The following CNGA1 variants were observed in gnomAD, a reference collection of about 807,000 sequenced individuals.
CNGA1 encodes the protein cyclic nucleotide-gated channel alpha-1.
A neutral mutation model predicts 69.7 loss-of-function variants in CNGA1; 53 were observed. That is an observed-to-expected ratio of 0.76 (90% confidence interval 0.61 to 0.96). The LOEUF is 0.96. Ranked by LOEUF, CNGA1 falls within the 40% of genes least tolerant of loss-of-function variation. The pLI is 0.00. For missense variants in CNGA1, 739 were observed against 811.2 expected (o/e 0.91, Z 1.08); for synonymous variants, 249 against 283.5 (o/e 0.88, Z 1.22).
chr4:47,970,961 G>C (rs1740982485), intron 3 of CNGA1: 1 of 453,624 alleles, frequency 2.2e-6, no homozygotes, highest in Non-Finnish European at 4.4e-6. Flanking sequence ...TTCAAGTCCA[G>C]CTTGGCCAAC....
In CNGA1 at chr4:47,942,079, T is replaced by G; in HGVS notation, c.507A>C (p.Thr169=). 2 of 1,613,090 alleles carry G rather than the reference T, an allele frequency of 1.2e-6. No individual in the cohort carries two copies. The highest frequency in any genetic ancestry group is 1.7e-6 in the Non-Finnish European group (2 of 1,179,548). ...TTGTCCAGTTGTACATAACAGGTAA[T>G]GTGATGCAAAACAGCCAGTTGTAAT... ...NTYYNWLFCI[T]LPVMYNWTMV... The change falls in exon 9 of 11, where the codon ACA becomes ACC. Residue 169 remains threonine, a synonymous_variant. Coordinates refer to ENST00000514170, the MANE Select transcript of CNGA1 (RefSeq NM_001379270.1).
chr4:47,939,936 A>G (rs895516425), intron 10 of CNGA1, among the ~76,000 whole-genome samples: 8 of 152,092 alleles, frequency 5.3e-5, no homozygotes, highest in African/African-American at 1.7e-4. Flanking sequence ...TATTTTGCAT[A>G]TTCTTGCCTT....
intron 3 of CNGA1, among the ~76,000 whole-genome samples, chr4:47,967,753 C>A (rs934114992): frequency 6.6e-6 from 1 of 152,032 alleles, no homozygotes; most frequent in Non-Finnish European, 1.5e-5. Flanking sequence ...CCGAGGTGGG[C>A]GGATCACAAG....
chr4:47,950,208 G>C (rs913275422), intron 5 of CNGA1, among the ~76,000 whole-genome samples: 1 of 152,198 alleles, frequency 6.6e-6, no homozygotes, highest in East Asian at 1.9e-4. Flanking sequence ...GAGGGACCCA[G>C]TGGGAAGTAA....
intron 2 of CNGA1, among the ~76,000 whole-genome samples, chr4:48,002,588 C>T (rs551126383): frequency 3.1e-5 from 4 of 127,868 alleles, no homozygotes; most frequent in East Asian, 4.5e-4. Flanking sequence ...ATGAAATAGG[C>T]GTCAAAGCTG....
chr4:47,962,686 A>C (rs1422648012), intron 3 of CNGA1, among the ~76,000 whole-genome samples: 1 of 152,096 alleles, frequency 6.6e-6, no homozygotes, highest in Non-Finnish European at 1.5e-5. Flanking sequence ...TGATGCCAAA[A>C]CTCTATGCTT....
At chr4:47,951,058 C>T (rs770883324) in intron 5 of CNGA1, among the ~76,000 whole-genome samples, 11 of 152,156 alleles carry the variant, frequency 7.2e-5, no homozygotes, top group African/African-American at 2.4e-4. Flanking sequence ...AAATAATCAT[C>T]GGGCAGTGGC....
intron 5 of CNGA1, 36 bp from the exon 6 acceptor site, chr4:47,949,931 G>A: frequency 6.3e-7 from 1 of 1,582,254 alleles, no homozygotes. Flanking sequence ...AATCACAGTA[G>A]TCACCATCTG....
At chr4:48,010,010 T>A (rs570639362) in intron 2 of CNGA1, among the ~76,000 whole-genome samples, 3 of 151,636 alleles carry the variant, frequency 2.0e-5, no homozygotes, top group Admixed American at 6.6e-5. Flanking sequence ...CATAAAGACC[T>A]TTTTTTTTCT....
At chr4:47,980,472 C>CTTT (rs5858098) in intron 3 of CNGA1, among the ~76,000 whole-genome samples, 39 of 112,288 alleles carry the variant, frequency 3.5e-4, no homozygotes, top group East Asian at 7.7e-4. Context: ...TTCTTTCTTT[C>CTTT]TTTTTTTTTT....
At chr4:47,938,331 A>G (rs1350089889) in intron 10 of CNGA1, among the ~76,000 whole-genome samples, 2 of 124,458 alleles carry the variant, frequency 1.6e-5, no homozygotes, top group Admixed American at 1.7e-4. Context: ...ATATATATAT[A>G]TTTGGTCCCT....
Position 47,946,876 on chromosome 4 carries a change from C to T in CNGA1, c.287+2957G>A, listed in dbSNP as rs183942490. Among the ~76,000 whole-genome samples the T allele has an allele frequency of 1.1e-3, 164 of 152,184 alleles. 1 individual carries two copies. The highest frequency in any genetic ancestry group is 3.8e-3 in the African/African-American group (159 of 41,532). On this transcript the variant is annotated intron_variant, in intron 6 of 10. Transcript: ENST00000514170. ...CTCGGCTCACTGCAACCTCTGCCTCCCAGTTCAAGTGATTCCCCTGCCTCA... is the reference window on the plus strand; with the variant it reads ...CTCGGCTCACTGCAACCTCTGCCTCTCAGTTCAAGTGATTCCCCTGCCTCA...
intron 2 of CNGA1, among the ~76,000 whole-genome samples, chr4:47,997,784 CAAAT>C (rs760680965): frequency 4.6e-5 from 7 of 152,140 alleles, no homozygotes; most frequent in Non-Finnish European, 7.3e-5. Flanking sequence ...GACAGCTTCA[CAAAT>C]AAATCATGAA....
At chr4:47,950,025 G>A in intron 5 of CNGA1, 130 bp from the exon 6 acceptor site, 2 of 749,440 alleles carry the variant, frequency 2.7e-6, no homozygotes, top group Non-Finnish European at 4.7e-6. Context: ...GTAGATGATA[G>A]ATATTTCAAA....
At chr4:47,995,920 G>T (rs1169788743) in intron 2 of CNGA1, among the ~76,000 whole-genome samples, 1 of 152,038 alleles carries the variant, frequency 6.6e-6, no homozygotes, top group Non-Finnish European at 1.5e-5. Flanking sequence ...CTCTCTTCTG[G>T]ATCTAGCCAC....
At chr4:47,964,098 A>G (rs377685782) in intron 3 of CNGA1, among the ~76,000 whole-genome samples, 1 of 152,202 alleles carries the variant, frequency 6.6e-6, no homozygotes. Context: ...GCTTTCTAAG[A>G]TGAGAAATTC....
chr4:47,978,435 A>G (rs962307844), intron 3 of CNGA1, among the ~76,000 whole-genome samples: 4 of 152,100 alleles, frequency 2.6e-5, no homozygotes, highest in Non-Finnish European at 5.9e-5. Flanking sequence ...AATGTACTCT[A>G]TGTATTTAAA....
rs569787440 is a variant in CNGA1 at position 47,983,937 on chromosome 4, G to A, written c.-122-2437C>T. On this transcript the variant is annotated intron_variant, in intron 2 of 10. Transcript: ENST00000514170. ...CACCCAGAGAGGGTTACTAGATTTG[G>A]CAACTAAAAGTACAGTATAAGTATA... is the stretch of plus-strand genomic sequence containing the variant. Among the ~76,000 whole-genome samples, 3 of 152,236 alleles carry A rather than the reference G, an allele frequency of 2.0e-5. No individual in the cohort carries two copies. The South Asian group carries it at 6.2e-4, about 32-fold the overall frequency.
intron 3 of CNGA1, among the ~76,000 whole-genome samples, chr4:47,965,635 C>T (rs977471569): frequency 6.6e-6 from 1 of 152,014 alleles, no homozygotes; most frequent in Non-Finnish European, 1.5e-5. Flanking sequence ...CCATGTTGGC[C>T]AGGCTGGTCT....
Sources: gnomAD v4.1 joint callset for allele counts (sites outside exome capture counted in the v4.1 genomes callset) on GRCh38, gnomAD v4.1.1 for gene constraint, MANE v1.5 for transcripts, NCBI Gene and HGNC (gene_info 2026-07-23, HGNC 2026-07-21) for gene names.